Variants in PTPRT observed in about 807,000 individuals in gnomAD.
The protein encoded by PTPRT is protein tyrosine phosphatase receptor type T, also known as receptor-type tyrosine-protein phosphatase T.
A neutral mutation model predicts 176.8 loss-of-function variants in PTPRT; 56 were observed. The observed-to-expected ratio is 0.32, with a 90% CI of 0.26 to 0.40. PTPRT has a LOEUF of 0.40. PTPRT is among the 10% of genes least tolerant of loss of function. The probability of loss-of-function intolerance (pLI) is 1.00; values close to 1 mark genes in which losing one functional copy is unlikely to be tolerated. For missense variants in PTPRT, 1,540 were observed against 1,908.2 expected, an observed-to-expected ratio of 0.81 and a Z score of 3.60; for synonymous variants, 783 against 739.0, an observed-to-expected ratio of 1.06 and a Z score of -0.96.
intron 14 of PTPRT, among the ~76,000 whole-genome samples, chr20:42,239,771 G>T (rs955210962): frequency 2.6e-5 from 4 of 152,104 alleles, no homozygotes; most frequent in African/African-American, 9.7e-5. Context: ...AAGGACAGAA[G>T]AAAATGGATA....
At position 42,791,473 on chromosome 20, in the gene PTPRT, A is replaced by T. The variant is rs1284910748; in HGVS notation, c.215-7T>A. The T allele has an allele frequency of 3.1e-6, 5 of 1,606,318 alleles. No homozygotes were observed. The highest frequency in any genetic ancestry group is 4.3e-6 in the Non-Finnish European group (5 of 1,175,852). On this transcript the variant is annotated splice_region_variant and splice_polypyrimidine_tract_variant and intron_variant, in intron 2 of 30. Coordinates refer to ENST00000373187, the MANE Select transcript of PTPRT (RefSeq NM_007050.6). ...TTCACCATCATGAAAGATCCTGGAG[A>T]CCCACAAAGCAGGTGGGAAGTAGAG...
At chr20:42,402,619 G>C (rs1252945663) in intron 9 of PTPRT, among the ~76,000 whole-genome samples, 1 of 152,078 alleles carries the variant, frequency 6.6e-6, no homozygotes, top group Non-Finnish European at 1.5e-5. Flanking sequence ...AGACAGAGAG[G>C]GAGGCGGTGG....
At chr20:42,695,727 C>A (rs1268906981) in intron 6 of PTPRT, among the ~76,000 whole-genome samples, 1 of 152,146 alleles carries the variant, frequency 6.6e-6, no homozygotes, top group African/African-American at 2.4e-5. Context: ...ATTAATGATT[C>A]ATTAGTAAGC....
At chr20:42,978,835 G>A (rs980924735) in intron 1 of PTPRT, among the ~76,000 whole-genome samples, 2 of 152,208 alleles carry the variant, frequency 1.3e-5, no homozygotes, top group Non-Finnish European at 2.9e-5. Context: ...TCTAAAAGGG[G>A]AAGGCATTAA....
intron 6 of PTPRT, among the ~76,000 whole-genome samples, chr20:42,684,265 G>C (rs1407272674): frequency 6.6e-6 from 1 of 151,702 alleles, no homozygotes; most frequent in Non-Finnish European, 1.5e-5. Context: ...GAATCGCTTG[G>C]ACCTGGGAGG....
chr20:42,942,220 G>C (rs1273134950), intron 1 of PTPRT, among the ~76,000 whole-genome samples: 1 of 152,164 alleles, frequency 6.6e-6, no homozygotes, highest in Non-Finnish European at 1.5e-5. Context: ...CCTGAAAATA[G>C]TACTTGTTAT....
At chr20:43,082,255 G>A (rs113023765) in intron 1 of PTPRT, among the ~76,000 whole-genome samples, 1 of 151,796 alleles carries the variant, frequency 6.6e-6, no homozygotes, top group African/African-American at 2.4e-5. Context: ...GATACTGCAG[G>A]TTTGATTTCC....
chr20:42,240,678 CCATGCATTCATGCATGCATGCATG>C (rs1054992029), intron 14 of PTPRT, among the ~76,000 whole-genome samples: 5 of 143,738 alleles, frequency 3.5e-5, no homozygotes, highest in Admixed American at 7.1e-5. Flanking sequence ...ATGAACCTAT[CCATGCATTCATGCATGCATGCATG>C]CATGCATCCA....
intron 2 of PTPRT, among the ~76,000 whole-genome samples, chr20:42,823,965 C>T (rs764328237): frequency 4.6e-5 from 7 of 151,282 alleles, no homozygotes; most frequent in Admixed American, 1.3e-4. Flanking sequence ...TAAAACACAA[C>T]AGCTTTCTTA....
At chr20:42,353,055 A>G (rs1253976668) in intron 9 of PTPRT, among the ~76,000 whole-genome samples, 1 of 152,236 alleles carries the variant, frequency 6.6e-6, no homozygotes, top group Non-Finnish European at 1.5e-5. Flanking sequence ...TTTACATTCT[A>G]CTATTCGTAT....
chr20:42,285,875 A>C (rs978219595), intron 12 of PTPRT, among the ~76,000 whole-genome samples: 73 of 152,152 alleles, frequency 4.8e-4, no homozygotes, highest in Non-Finnish European at 1.0e-3. Flanking sequence ...AAAAATCAGT[A>C]ATGTTTCTAT....
At chr20:42,386,664 C>T (rs1421692436) in intron 9 of PTPRT, among the ~76,000 whole-genome samples, 1 of 152,076 alleles carries the variant, frequency 6.6e-6, no homozygotes, top group Non-Finnish European at 1.5e-5. Flanking sequence ...AGTTCAAGAC[C>T]AGCCTGGCCA....
chr20:42,870,604 G>T (rs2078828733), intron 2 of PTPRT, among the ~76,000 whole-genome samples: 1 of 152,162 alleles, frequency 6.6e-6, no homozygotes, highest in Non-Finnish European at 1.5e-5. Flanking sequence ...ATAGCTTCTA[G>T]GTTTACAAAA....
intron 6 of PTPRT, among the ~76,000 whole-genome samples, chr20:42,706,358 G>A (rs983865862): frequency 2.6e-5 from 4 of 151,866 alleles, no homozygotes; most frequent in Admixed American, 2.6e-4. Context: ...GCTCATCTTT[G>A]CAACCAATTC....
At chr20:43,113,419 A>G (rs191473232) in intron 1 of PTPRT, among the ~76,000 whole-genome samples, 1 of 152,358 alleles carries the variant, frequency 6.6e-6, no homozygotes, top group Non-Finnish European at 1.5e-5. Context: ...TAAGTTATTT[A>G]TAGAACAGTT....
At chr20:42,859,586 A>ATTTTTTTTTTTTTTTT (rs374358348) in intron 2 of PTPRT, among the ~76,000 whole-genome samples, 1 of 127,660 alleles carries the variant, frequency 7.8e-6, no homozygotes, top group Non-Finnish European at 1.6e-5. Flanking sequence ...TTTTTTTTTA[A>ATTTTTTTTTTTTTTTT]TTTTTTTTTT....
intron 12 of PTPRT, among the ~76,000 whole-genome samples, chr20:42,286,963 T>C (rs982694945): frequency 6.6e-6 from 1 of 151,786 alleles, no homozygotes; most frequent in African/African-American, 2.4e-5. Flanking sequence ...AAAGGAGATA[T>C]ACAAATGGCC....
chr20:42,180,560 G>T (rs1990474076), intron 16 of PTPRT, among the ~76,000 whole-genome samples: 1 of 152,134 alleles, frequency 6.6e-6, no homozygotes, highest in Non-Finnish European at 1.5e-5. Flanking sequence ...TGGAATGTAA[G>T]CTCTAGAAAG....
At chr20:42,119,038 A>AAG (rs1304706536) in intron 20 of PTPRT, among the ~76,000 whole-genome samples, 1 of 150,854 alleles carries the variant, frequency 6.6e-6, no homozygotes, top group East Asian at 1.9e-4. Context: ...AAAAAAAAAA[A>AAG]AAAGACCAGG....
Sources: gnomAD v4.1 joint callset for allele counts (sites outside exome capture counted in the v4.1 genomes callset) on GRCh38, gnomAD v4.1.1 for gene constraint, MANE v1.5 for transcripts, NCBI Gene and HGNC (gene_info 2026-07-23, HGNC 2026-07-21) for gene names.